The following PTPN3 variants were observed in gnomAD, a reference collection of about 807,000 sequenced individuals.
PTPN3 encodes the protein protein tyrosine phosphatase non-receptor type 3.
Under a neutral mutation model 132.7 loss-of-function variants are expected in PTPN3, and 96 were observed. The ratio of observed to expected loss-of-function variants is 0.72; its 90% CI spans 0.61 to 0.86. The LOEUF is 0.86. Ranked by LOEUF, PTPN3 falls within the 40% of genes least tolerant of loss-of-function variation. PTPN3 has a pLI of 0.00. For synonymous variants in PTPN3, 398 were observed against 429.0 expected (o/e 0.93, Z 0.89); for missense variants, 1,125 against 1,159.6 (o/e 0.97, Z 0.43).
the PTPN3 span, among the ~76,000 whole-genome samples, chr9:109,531,474 C>A: frequency 2.0e-5 from 3 of 152,324 alleles, no homozygotes; most frequent in South Asian, 2.1e-4. Context: ...TCAGTTGGTT[C>A]TTGCTCAAAA....
At chr9:109,490,869 G>C (rs376526202) in intron 1 of PTPN3, among the ~76,000 whole-genome samples, 1 of 76,638 alleles carries the variant, frequency 1.3e-5, no homozygotes, top group Non-Finnish European at 2.7e-5. Flanking sequence ...TTTTTTTTTT[G>C]CTATAAAAAA....
the PTPN3 span, among the ~76,000 whole-genome samples, chr9:109,524,097 G>T: frequency 6.6e-6 from 1 of 152,028 alleles, no homozygotes; most frequent in African/African-American, 2.4e-5. Flanking sequence ...AAATAAAAAT[G>T]TTAGCTGGGC....
At chr9:109,386,326 G>A (rs1425906295) in intron 22 of PTPN3, among the ~76,000 whole-genome samples, 1 of 152,230 alleles carries the variant, frequency 6.6e-6, no homozygotes, top group Non-Finnish European at 1.5e-5. Context: ...AGATGGACCA[G>A]ATAGGGTTTA....
rs769685005 is a variant in PTPN3 at position 109,382,384 on chromosome 9, C to T, written c.2446G>A (p.Asp816Asn). ...AATTCCAGAAAGTCGGAGGAGTCAT[C>T]GGGCACACCGTGGTCAGGCCATGCG... Reference protein sequence around the residue: ...YVAWPDHGVPDDSSDFLEFVN... With the variant: ...YVAWPDHGVPNDSSDFLEFVN... Residue 816 changes from aspartate to asparagine, a missense_variant, in exon 24 of 26, where the codon GAT (aspartate) becomes AAT (asparagine). Physicochemically the swap from Asp to Asn is conservative, Grantham distance 23 (BLOSUM62 1). Transcript: ENST00000374541. The T allele has an allele frequency of 4.3e-6, 7 of 1,614,116 alleles. No individual in the cohort carries two copies. The highest frequency in any genetic ancestry group is 2.7e-5 in the African/African-American group (2 of 75,052).
At chr9:109,530,098 A>C in the PTPN3 span, among the ~76,000 whole-genome samples, 1 of 152,166 alleles carries the variant, frequency 6.6e-6, no homozygotes, top group Admixed American at 6.5e-5. Context: ...TAACATTACT[A>C]GTATAACTAT....
In PTPN3 at chr9:109,391,173, C is replaced by A. The variant is rs1202657887; in HGVS notation, c.2071G>T (p.Gly691Ter). The change falls in exon 21 of 26, where the codon GGA becomes TGA. Residue 691 changes from glycine (G) to a stop codon, truncating the protein, a stop_gained. Transcript: ENST00000374541. LOFTEE classifies it high-confidence loss of function. ...CTTGCATTAATATAATCTTCATTTC[C>A]CTGCAATAATACCCGGGTGGTGTCA... ...PYDTTRVLLQGNEDYINASYV... is the reference protein window; with the variant it reads ...PYDTTRVLLQ The A allele has an allele frequency of 6.2e-7, 1 of 1,613,574 alleles. No individual in the cohort carries two copies. Among genetic ancestry groups the A allele is most frequent in the Non-Finnish European group, 8.5e-7 (1 of 1,179,704 alleles).
At chr9:109,534,206 A>G in the PTPN3 span, 1 of 1,246,498 alleles carries the variant, frequency 8.0e-7, no homozygotes, top group Non-Finnish European at 1.2e-6. Context: ...GCTGATGTGA[A>G]GCCTCCCGGG....
At chr9:109,454,428 A>T in intron 5 of PTPN3, 68 bp downstream of exon 5, 1 of 1,284,940 alleles carries the variant, frequency 7.8e-7, no homozygotes, top group Non-Finnish European at 1.1e-6. Flanking sequence ...TAATAAAATG[A>T]AGAGTACATT....
intron 5 of PTPN3, 30 bp from the exon 6 acceptor site, chr9:109,448,885 A>G (rs377223171): frequency 1.2e-5 from 19 of 1,557,048 alleles, no homozygotes; most frequent in Non-Finnish European, 1.6e-5. Flanking sequence ...ATTAATTCAT[A>G]CTCAAACTGA....
Position 109,422,746 on chromosome 9 carries a change from A to G in PTPN3, c.1108T>C (p.Ser370Pro). The G allele has an allele frequency of 6.2e-7, 1 of 1,612,422 alleles. No homozygotes were observed. The highest frequency in any genetic ancestry group is 8.5e-7 in the Non-Finnish European group (1 of 1,178,824). ...VEHLETKSLPSRSPPITPNWR... is the reference protein window; with the variant it reads ...VEHLETKSLPPRSPPITPNWR... ...TTGGGAGTAATGGGAGGGGAACGAG[A>G]AGGCAGACTCTTGGTTTCTAAGTGC... The change falls in exon 13 of 26, where the codon TCT (serine) becomes CCT (proline). Residue 370 changes from serine (S) to proline (P), a missense_variant. Ser to Pro is a moderately conservative substitution (Grantham distance 74). Coordinates refer to ENST00000374541, the MANE Select transcript of PTPN3 (RefSeq NM_002829.4).
Position 109,377,389 on chromosome 9 carries a change from TGTCTCTACACACACACACACACAC to T in PTPN3, c.*2143_*2166del, listed in dbSNP as rs1838650497. The T allele has an allele frequency of 7.5e-6, 1 of 133,600 alleles. No homozygotes were observed. The highest frequency in any genetic ancestry group is 1.6e-5 in the Non-Finnish European group (1 of 63,034). The allele number at this position is 133,600 out of a possible 1,614,324, so 8.3% of individuals were successfully genotyped here. ...CAGCCTAGGCAACACATCAAGATCC[TGTCTCTACACACACACACACACAC>T]ACACACACACACACACACACACACA... is the stretch of plus-strand genomic sequence containing the variant. On this transcript the variant is annotated 3_prime_UTR_variant, in exon 26 of 26. Coordinates refer to ENST00000374541, the MANE Select transcript of PTPN3 (RefSeq NM_002829.4).
intron 13 of PTPN3, 138 bp downstream of exon 13, chr9:109,422,578 AAC>A (rs1842952871): frequency 1.0e-6 from 1 of 982,920 alleles, no homozygotes; most frequent in Non-Finnish European, 1.5e-6. Flanking sequence ...ACTTCATGAA[AAC>A]AGTTACTTCT....
chr9:109,415,301 G>A (rs888810472), intron 14 of PTPN3, among the ~76,000 whole-genome samples: 2 of 152,100 alleles, frequency 1.3e-5, no homozygotes, highest in Non-Finnish European at 2.9e-5. Flanking sequence ...AGATGTCTAG[G>A]GTACTGTGTA....
intron 5 of PTPN3, chr9:109,451,413 A>C (rs1189339947): frequency 1.1e-6 from 1 of 949,550 alleles, no homozygotes; most frequent in East Asian, 1.2e-4. Flanking sequence ...GTGGGGTGTC[A>C]GTTGTCAACC....
chr9:109,510,126 A>T, the PTPN3 span, among the ~76,000 whole-genome samples: 2 of 152,234 alleles, frequency 1.3e-5, no homozygotes, highest in African/African-American at 4.8e-5. Context: ...GCTATTTATT[A>T]GGAAACATTG....
chr9:109,402,813 G>C (rs774364469), intron 19 of PTPN3, among the ~76,000 whole-genome samples: 2 of 152,160 alleles, frequency 1.3e-5, no homozygotes, highest in Admixed American at 6.5e-5. Context: ...GCTCATGCCT[G>C]TAATCCTAGC....
chr9:109,420,958 A>G (rs1842858675), intron 13 of PTPN3, among the ~76,000 whole-genome samples: 1 of 152,248 alleles, frequency 6.6e-6, no homozygotes, highest in Admixed American at 6.5e-5. Context: ...ACTGCTATTC[A>G]GATAATTTTT....
chr9:109,499,832 G>A (rs978984457), upstream of PTPN3, among the ~76,000 whole-genome samples: 2 of 152,174 alleles, frequency 1.3e-5, no homozygotes, highest in African/African-American at 4.8e-5. Flanking sequence ...CGGAGTCCAG[G>A]GGCAGGACCG....
chr9:109,464,406 G>T (rs1845995322), intron 1 of PTPN3, among the ~76,000 whole-genome samples: 1 of 152,174 alleles, frequency 6.6e-6, no homozygotes, highest in African/African-American at 2.4e-5. Context: ...CTACGTGAGG[G>T]TGAAGTGTGG....
Sources: gnomAD v4.1 joint callset for allele counts (sites outside exome capture counted in the v4.1 genomes callset) on GRCh38, gnomAD v4.1.1 for gene constraint, MANE v1.5 for transcripts, NCBI Gene and HGNC (gene_info 2026-07-23, HGNC 2026-07-21) for gene names.